The following TMEM168 variants were observed in gnomAD, a reference collection of about 807,000 sequenced individuals.
TMEM168 encodes transmembrane protein 168.
A neutral mutation model predicts 53.2 loss-of-function variants in TMEM168; 40 were observed. The ratio of observed to expected loss-of-function variants is 0.75; its 90% CI spans 0.58 to 0.98. TMEM168 has a LOEUF of 0.98. Ranked by LOEUF, TMEM168 falls within the 50% of genes least tolerant of loss-of-function variation. The pLI, the probability that TMEM168 is intolerant of heterozygous loss-of-function variation, is 0.00. For missense variants in TMEM168, 771 were observed against 828.8 expected (o/e 0.93, Z 0.86); for synonymous variants, 282 against 293.0 (o/e 0.96, Z 0.38).
At position 112,784,182 on chromosome 7, in the gene TMEM168, GA is replaced by G. The variant is rs762075507; in HGVS notation, c.643del (p.Ser215ProfsTer19). 2 of 1,613,470 alleles carry G rather than the reference GA, an allele frequency of 1.2e-6. No individual in the cohort carries two copies. Among genetic ancestry groups the G allele is most frequent in the East Asian group, 2.2e-5 (1 of 44,858 alleles). ...LVIFAVLLFF[S>X]SLETPKNPIA... ...CGGATTTTTGGGAGTTTCCAATGAG[GA>G]AAAAAATAACAAAACTGCAAAAATA... On this transcript the variant is annotated frameshift_variant, in exon 2 of 5. Transcript: ENST00000312814. LOFTEE classifies it high-confidence loss of function.
intron 4 of TMEM168, among the ~76,000 whole-genome samples, chr7:112,768,639 A>G (rs1357767569): frequency 6.6e-6 from 1 of 152,198 alleles, no homozygotes; most frequent in Non-Finnish European, 1.5e-5. Context: ...TAAGTATACT[A>G]CATTAAAATA....
Position 112,783,804 on chromosome 7 carries a change from T to A in TMEM168, c.1022A>T (p.Asp341Val), listed in dbSNP as rs1446649323. 6.2e-7 allele frequency: 1 copy of A among 1,603,134 alleles called. No homozygotes were observed. The highest frequency in any genetic ancestry group is 1.7e-5 in the Admixed American group (1 of 58,174). Residue 341 changes from aspartate to valine, a missense_variant, in exon 2 of 5, where the codon GAT (aspartate) becomes GTT (valine). Coordinates refer to ENST00000312814, the MANE Select transcript of TMEM168 (RefSeq NM_022484.6). ...FTHRTDYNSLDRIMASKGMRH... is the reference protein window; with the variant it reads ...FTHRTDYNSLVRIMASKGMRH... ...CATCCCTTTGGATGCCATGATTCTATCAAGGCTATTGTAATCTGTCCTGTG... is the reference window on the plus strand; with the variant it reads ...CATCCCTTTGGATGCCATGATTCTAACAAGGCTATTGTAATCTGTCCTGTG...
chr7:112,767,124 G>A lies in TMEM168; in HGVS notation c.*73C>T, dbSNP rs1194484023. On this transcript the variant is annotated 3_prime_UTR_variant, in exon 5 of 5. Coordinates refer to ENST00000312814, the MANE Select transcript of TMEM168 (RefSeq NM_022484.6). The stretch of plus-strand genomic sequence containing the variant: ...GGTATTTTCCACAAATAAAAATACA[G>A]CATACAAAAAATGGCAAGTTAGTGA... The A allele has an allele frequency of 7.1e-7, 1 of 1,415,082 alleles. No homozygotes were observed. Among genetic ancestry groups the A allele is most frequent in the East Asian group, 2.3e-5 (1 of 43,374 alleles). 87.7% of individuals were successfully genotyped at this position (1,415,082 alleles called of 1,614,324 possible).
intron 1 of TMEM168, among the ~76,000 whole-genome samples, chr7:112,786,722 G>C (rs953814364): frequency 9.2e-5 from 14 of 152,078 alleles, no homozygotes; most frequent in Non-Finnish European, 1.3e-4. Context: ...GCTGGACGGG[G>C]GGAAGAAATT....
chr7:112,782,902 ATTGT>A (rs138702873), intron 2 of TMEM168, among the ~76,000 whole-genome samples: 2,284 of 152,296 alleles, frequency 0.015, 45 homozygotes, highest in African/African-American at 0.051. Context: ...TGTAATCATA[ATTGT>A]TTGTTTACAT....
Position 112,766,433 on chromosome 7 carries a change from G to T in TMEM168, c.*764C>A, listed in dbSNP as rs1487917564. The T allele has an allele frequency of 6.6e-6, 1 of 152,548 alleles. No individual in the cohort carries two copies. Among genetic ancestry groups the T allele is most frequent in the African/African-American group, 2.4e-5 (1 of 41,442 alleles). The allele number at this position is 152,548 out of a possible 1,614,324, so 9.4% of individuals were successfully genotyped here. A position where few individuals can be genotyped will look rare whatever the true frequency, so the allele number is the denominator to read the frequency against. On this transcript the variant is annotated 3_prime_UTR_variant, in exon 5 of 5. Transcript: ENST00000312814. ...CAAAAAGGAAGACAATTTATTGGAA[G>T]AATTTGTAGCTGGAAACACTGTTCA...
In TMEM168 at chr7:112,766,271, A is replaced by G. The variant is rs1792776141; in HGVS notation, c.*926T>C. 1 of 152,472 alleles carries G rather than the reference A, an allele frequency of 6.6e-6. No individual in the cohort carries two copies. Among genetic ancestry groups the G allele is most frequent in the Non-Finnish European group, 1.5e-5 (1 of 68,026 alleles). The allele number at this position is 152,472 out of a possible 1,614,324, so 9.4% of individuals were successfully genotyped here. On this transcript the variant is annotated 3_prime_UTR_variant, in exon 5 of 5. Transcript: ENST00000312814. ...TGACCTTCAGTAGAAAAAAAATGTT[A>G]TCACTAACAAGGATCAGAAAAATAA...
At chr7:112,776,453 T>A (rs1793086237) in intron 2 of TMEM168, among the ~76,000 whole-genome samples, 1 of 152,096 alleles carries the variant, frequency 6.6e-6, no homozygotes, top group African/African-American at 2.4e-5. Flanking sequence ...ACATACTATA[T>A]GCCTAGGTGC....
intron 2 of TMEM168, among the ~76,000 whole-genome samples, chr7:112,776,224 A>T (rs754141687): frequency 6.6e-6 from 1 of 151,914 alleles, no homozygotes; most frequent in Non-Finnish European, 1.5e-5. Flanking sequence ...TAGATGTGCA[A>T]TCAAAATTTA....
intron 1 of TMEM168, among the ~76,000 whole-genome samples, chr7:112,787,892 C>A (rs560795906): frequency 0.012 from 1,778 of 151,306 alleles, 15 homozygotes; most frequent in Non-Finnish European, 0.02. Context: ...GCCACCATGC[C>A]CGGCTAATTT....
chr7:112,767,832 AATACTCTTGTTATACATGT>A, intron 4 of TMEM168, 88 bp from the exon 5 acceptor site: 1 of 1,218,690 alleles, frequency 8.2e-7, no homozygotes, highest in Non-Finnish European at 1.1e-6. Flanking sequence ...CTAGAGAGAA[AATACTCTTGTTATACATGT>A]ATTTTCCTTA....
At chr7:112,789,122 C>T (rs962540591) in intron 1 of TMEM168, among the ~76,000 whole-genome samples, 2 of 152,126 alleles carry the variant, frequency 1.3e-5, no homozygotes, top group African/African-American at 4.8e-5. Context: ...AATGCTATTC[C>T]CTTGCCAGGT....
At position 112,767,194 on chromosome 7, in the gene TMEM168, A is replaced by C. The variant is rs766048493; in HGVS notation, c.*3T>G. On this transcript the variant is annotated 3_prime_UTR_variant, in exon 5 of 5. Coordinates refer to ENST00000312814, the MANE Select transcript of TMEM168 (RefSeq NM_022484.6). ...TTATTAATATCCCGCTTTGGGGTCCAAATTAAGATTTGACAAGTTTGAAGC... is the reference window on the plus strand; with the variant it reads ...TTATTAATATCCCGCTTTGGGGTCCCAATTAAGATTTGACAAGTTTGAAGC... The C allele has an allele frequency of 6.2e-7, 1 of 1,604,976 alleles. No individual in the cohort carries two copies. Among genetic ancestry groups the C allele is most frequent in the East Asian group, 2.2e-5 (1 of 44,774 alleles).
Position 112,784,785 on chromosome 7 carries a change from T to G in TMEM168, c.41A>C (p.Tyr14Ser). The G allele has an allele frequency of 6.2e-7, 1 of 1,606,138 alleles. No homozygotes were observed. The highest frequency in any genetic ancestry group is 8.5e-7 in the Non-Finnish European group (1 of 1,177,994). Residue 14 changes from tyrosine (Y) to serine (S), a missense_variant, in exon 2 of 5, where the codon TAT becomes TCT. Physicochemically the swap from Tyr to Ser is moderately radical, Grantham distance 144. Coordinates refer to ENST00000312814, the MANE Select transcript of TMEM168 (RefSeq NM_022484.6). ...TTCTTCCAGTCTTGTCATTGCTAAA[T>G]AGAGACAATGACTAAAGCAATAACG... Reference protein sequence around the residue: ...SLRYCFSHCLYLAMTRLEEVN... With the variant: ...SLRYCFSHCLSLAMTRLEEVN...
chr7:112,784,159 G>A lies in TMEM168; in HGVS notation c.667C>T (p.Pro223Ser). ...ATAAAAAAACACGCAAAAGCAATCGGATTTTTGGGAGTTTCCAATGAGGAA... is the reference window on the plus strand; with the variant it reads ...ATAAAAAAACACGCAAAAGCAATCGAATTTTTGGGAGTTTCCAATGAGGAA... ...FFSSLETPKN[P>S]IAFACFFICL... Residue 223 changes from proline to serine, a missense_variant, in exon 2 of 5, where the codon CCG becomes TCG. Pro to Ser is a moderately conservative substitution (Grantham distance 74). Coordinates refer to ENST00000312814, the MANE Select transcript of TMEM168 (RefSeq NM_022484.6). The A allele has an allele frequency of 6.2e-7, 1 of 1,614,000 alleles. No individual in the cohort carries two copies. The highest frequency in any genetic ancestry group is 8.5e-7 in the Non-Finnish European group (1 of 1,180,004).
At chr7:112,775,966 C>G (rs939017405) in intron 2 of TMEM168, among the ~76,000 whole-genome samples, 20 of 147,010 alleles carry the variant, frequency 1.4e-4, no homozygotes, top group East Asian at 1.1e-3. Context: ...AAGAAATAAG[C>G]AGGAGGCAAT....
intron 2 of TMEM168, among the ~76,000 whole-genome samples, chr7:112,783,466 C>T (rs898556710): frequency 3.3e-5 from 5 of 152,298 alleles, no homozygotes; most frequent in Admixed American, 2.6e-4. Context: ...AGTCAGGAAG[C>T]GGGAGGCATC....
At position 112,767,524 on chromosome 7, in the gene TMEM168, T is replaced by C; in HGVS notation, c.1767A>G (p.Thr589=). ...TGCAGTTATATTCTACCCAGTCTTTTGTAAAGTCACCTAGCTGTGGCGGGT... is the reference window on the plus strand; with the variant it reads ...TGCAGTTATATTCTACCCAGTCTTTCGTAAAGTCACCTAGCTGTGGCGGGT... ...EADPPQLGDF[T]KDWVEYNCNS... The change falls in exon 5 of 5, where the codon ACA becomes ACG. Residue 589 remains threonine (T), a synonymous_variant. Transcript: ENST00000312814. 6.2e-7 allele frequency: 1 copy of C among 1,614,066 alleles called. No homozygotes were observed. Among genetic ancestry groups the C allele is most frequent in the East Asian group, 2.2e-5 (1 of 44,892 alleles).
intron 2 of TMEM168, among the ~76,000 whole-genome samples, chr7:112,777,804 T>C (rs550325217): frequency 5.3e-5 from 8 of 152,038 alleles, no homozygotes; most frequent in Non-Finnish European, 1.2e-4. Flanking sequence ...CAACTTAGCA[T>C]GATGGTTTTC....
Sources: allele counts gnomAD v4.1 joint callset (sites outside exome capture counted in the v4.1 genomes callset), GRCh38; gene constraint gnomAD v4.1.1; transcripts MANE v1.5; gene names NCBI Gene and HGNC (gene_info 2026-07-23, HGNC 2026-07-21).